The following SEMA5B variants were observed in gnomAD, a reference collection of about 807,000 sequenced individuals.
The protein encoded by SEMA5B is semaphorin 5B.
SEMA5B carries 66 observed loss-of-function variants against 135.0 expected under a neutral mutation model. The ratio of observed to expected loss-of-function variants is 0.49; its 90% CI spans 0.40 to 0.60. The LOEUF (loss-of-function observed/expected upper bound fraction) is 0.60, where lower values mean the gene tolerates loss of function less well. Ranked by LOEUF, SEMA5B falls within the 20% of genes least tolerant of loss-of-function variation. SEMA5B has a pLI of 0.00. For missense variants in SEMA5B, 1,501 were observed against 1,566.3 expected (o/e 0.96, Z 0.70); for synonymous variants, 690 against 639.5 (o/e 1.08, Z -1.19).
At chr3:122,999,226 T>C (rs1942106194) in intron 1 of SEMA5B, among the ~76,000 whole-genome samples, 1 of 152,162 alleles carries the variant, frequency 6.6e-6, no homozygotes, top group African/African-American at 2.4e-5. Flanking sequence ...GAATTTTAAG[T>C]AGATTTTTCT....
At chr3:122,971,079 C>T (rs1487204840) in intron 1 of SEMA5B, among the ~76,000 whole-genome samples, 1 of 152,172 alleles carries the variant, frequency 6.6e-6, no homozygotes, top group African/African-American at 2.4e-5. Flanking sequence ...CCTATAATTC[C>T]CAGGAGACAG....
intron 1 of SEMA5B, among the ~76,000 whole-genome samples, chr3:123,016,539 G>T (rs940945385): frequency 9.2e-5 from 14 of 152,126 alleles, no homozygotes; most frequent in African/African-American, 3.4e-4. Flanking sequence ...AAAAGTCTCT[G>T]TACATGTTTA....
Position 122,929,057 on chromosome 3 carries a change from G to A in SEMA5B, c.476C>T (p.Ala159Val). ...GTCCTCACTGGAGGCCCACTCTGTG[G>A]CCTGGGGGAGGAACATAGGAGCACA... is the stretch of plus-strand genomic sequence containing the variant. ...LSLANVSLLQ[A>V]TEWASSEDTR... Residue 159 changes from alanine (A) to valine (V), a missense_variant and splice_region_variant, in exon 6 of 23, where the codon GCC becomes GTC. By Grantham distance (64) the Ala-to-Val change is moderately conservative (BLOSUM62 0). This residue lies in a region of SEMA5B where 574 missense variants were observed against 684.7 expected (regional missense o/e 0.84). Transcript: ENST00000357599. 1.2e-6 allele frequency: 2 copies of A among 1,611,464 alleles called. No individual in the cohort carries two copies.
chr3:122,924,221 T>C (rs1938512264), intron 9 of SEMA5B, among the ~76,000 whole-genome samples: 1 of 152,216 alleles, frequency 6.6e-6, no homozygotes. Flanking sequence ...AGTTATGCCA[T>C]AGCCTGCCAC....
At chr3:122,919,693 G>C (rs897591807) in intron 12 of SEMA5B, among the ~76,000 whole-genome samples, 1 of 152,202 alleles carries the variant, frequency 6.6e-6, no homozygotes, top group South Asian at 2.1e-4. Flanking sequence ...TGGTGACTGT[G>C]TGTACTTAAT....
chr3:122,961,172 G>C lies in SEMA5B; in HGVS notation c.92C>G (p.Thr31Arg), dbSNP rs1940558904. The C allele has an allele frequency of 6.2e-7, 1 of 1,613,370 alleles. No individual in the cohort carries two copies. The highest frequency in any genetic ancestry group is 8.5e-7 in the Non-Finnish European group (1 of 1,179,626). ...TPAQQLRCGWTVGGWLLSLVR... is the reference protein window; with the variant it reads ...TPAQQLRCGWRVGGWLLSLVR... ...CAGTGAGAGAAGCCAGCCCCCTACT[G>C]TCCATCCACACCTTAGCTGTTGGGC... Residue 31 changes from threonine to arginine, a missense_variant, in exon 2 of 23, where the codon ACA (threonine) becomes AGA (arginine). Around this residue, in one of 2 missense-constraint regions of SEMA5B, gnomAD observed 574 missense variants for 684.7 expected, o/e 0.84. Transcript: ENST00000357599.
intron 9 of SEMA5B, 127 bp from the exon 10 acceptor site, chr3:122,923,879 A>ACCT: frequency 9.3e-7 from 1 of 1,070,222 alleles, no homozygotes; most frequent in Non-Finnish European, 1.4e-6. Flanking sequence ...TGTCTGGCAC[A>ACCT]TGGGGGGATC....
intron 1 of SEMA5B, among the ~76,000 whole-genome samples, chr3:123,020,832 C>T (rs2120805): frequency 0.27 from 40,667 of 152,138 alleles, 10,410 homozygotes; most frequent in African/African-American, 0.68. Context: ...GACCAAGCCA[C>T]GGTTACCTGT....
intron 14 of SEMA5B, 75 bp downstream of exon 14, chr3:122,915,365 T>C: frequency 2.1e-6 from 3 of 1,447,102 alleles, no homozygotes; most frequent in South Asian, 2.7e-5. Context: ...AACACCCAAG[T>C]GAGGGGTCCC....
Position 122,922,138 on chromosome 3 carries a change from A to T in SEMA5B, c.1481-16T>A. ...GTGCCCGACTCTGGAGGAGAGGGGG[A>T]GCCAGACCAAGGTGGCCTTGAAGGC... On this transcript the variant is annotated splice_polypyrimidine_tract_variant and intron_variant, in intron 11 of 22. Transcript: ENST00000357599. 1 of 1,527,998 alleles carries T rather than the reference A, an allele frequency of 6.5e-7. No homozygotes were observed. The highest frequency in any genetic ancestry group is 2.4e-5 in the East Asian group (1 of 42,540). The allele number at this position is 1,527,998 out of a possible 1,614,324, so 94.7% of individuals were successfully genotyped here.
At chr3:122,966,887 T>TTATTAC (rs371982680) in intron 1 of SEMA5B, among the ~76,000 whole-genome samples, 2,924 of 142,880 alleles carry the variant, frequency 0.02, 116 homozygotes, top group African/African-American at 0.069. Context: ...ATTATTATTA[T>TTATTAC]TATTATTATT....
intron 2 of SEMA5B, among the ~76,000 whole-genome samples, chr3:122,953,559 G>A (rs565568298): frequency 6.6e-6 from 1 of 152,288 alleles, no homozygotes; most frequent in African/African-American, 2.4e-5. Context: ...AGAAGGGAAG[G>A]ACAGGACATG....
At position 122,922,058 on chromosome 3, in the gene SEMA5B, C is replaced by T. The variant is rs1402585779; in HGVS notation, c.1545G>A (p.Glu515=). 1 of 1,496,358 alleles carries T rather than the reference C, an allele frequency of 6.7e-7. No individual in the cohort carries two copies. Among genetic ancestry groups the T allele is most frequent in the East Asian group, 2.4e-5 (1 of 41,438 alleles). The allele number at this position is 1,496,358 out of a possible 1,614,324, so 92.7% of individuals were successfully genotyped here. ...GCCCGGGGGGCAGCACGTGCAGCTC[C>T]TCCAGGTAGCAGCCGTGGAGGCTGC... The part of the protein sequence containing the change: ...ASRSLHGCYL[E]ELHVLPPGRR... The change falls in exon 12 of 23, where the codon GAG becomes GAA. Residue 515 remains glutamate, a synonymous_variant. Coordinates refer to ENST00000357599, the MANE Select transcript of SEMA5B (RefSeq NM_001031702.4).
intron 5 of SEMA5B, 63 bp from the exon 6 acceptor site, chr3:122,929,121 G>A (rs1294668335): frequency 1.3e-6 from 2 of 1,488,420 alleles, no homozygotes; most frequent in East Asian, 2.3e-5. Context: ...GCCACTCACT[G>A]GCAGAGCAGG....
intron 1 of SEMA5B, among the ~76,000 whole-genome samples, chr3:122,987,249 A>G (rs556999802): frequency 2.6e-5 from 4 of 152,280 alleles, no homozygotes; most frequent in Non-Finnish European, 4.4e-5. Flanking sequence ...GGAATCTACT[A>G]AACATTGAAG....
At chr3:122,942,409 C>T (rs1241046541) in intron 4 of SEMA5B, among the ~76,000 whole-genome samples, 2 of 152,188 alleles carry the variant, frequency 1.3e-5, no homozygotes, top group East Asian at 1.9e-4. Context: ...AAGTGCCCAA[C>T]CCAGTGGCCA....
chr3:123,012,977 C>T (rs746940920), intron 1 of SEMA5B, among the ~76,000 whole-genome samples: 5 of 152,200 alleles, frequency 3.3e-5, no homozygotes, highest in Non-Finnish European at 5.9e-5. Flanking sequence ...AGTTGCCTCC[C>T]GCCTCCAACC....
intron 9 of SEMA5B, 145 bp downstream of exon 9, chr3:122,926,247 C>A: frequency 1.3e-6 from 1 of 775,660 alleles, no homozygotes. Context: ...GCTTACCGCT[C>A]CAGAAGCAGT....
At chr3:122,989,069 C>A (rs1243612158) in intron 1 of SEMA5B, among the ~76,000 whole-genome samples, 1 of 152,226 alleles carries the variant, frequency 6.6e-6, no homozygotes, top group Non-Finnish European at 1.5e-5. Context: ...CAAAATGTCC[C>A]CTCTACATCT....
Sources: gnomAD v4.1 joint callset for allele counts (sites outside exome capture counted in the v4.1 genomes callset) on GRCh38, gnomAD v4.1.1 for gene constraint, gnomAD v4.1.1 regional missense constraint, MANE v1.5 for transcripts, NCBI Gene and HGNC (gene_info 2026-07-23, HGNC 2026-07-21) for gene names.